Variants in TFAM observed in about 807,000 individuals in gnomAD.
TFAM encodes mitochondrial transcription factor 1.
In TFAM, 13 loss-of-function variants were observed where a neutral mutation model predicts 30.6. That is an observed-to-expected ratio of 0.42 (90% CI 0.28 to 0.67). The LOEUF (loss-of-function observed/expected upper bound fraction) is 0.67, where lower values mean the gene tolerates loss of function less well. Among genes scored for constraint, TFAM ranks in the 30% least tolerant of loss-of-function variants. The pLI is 0.21. For missense variants in TFAM, 231 were observed against 293.7 expected, an observed-to-expected ratio of 0.79 and a Z score of 1.56; for synonymous variants, 106 against 94.8, an observed-to-expected ratio of 1.12 and a Z score of -0.69.
chr10:58,397,365 T>C lies in TFAM; in HGVS notation c.*2291T>C, dbSNP rs748692228. On this transcript the variant is annotated 3_prime_UTR_variant, in exon 7 of 7. Transcript: ENST00000487519. Reference sequence around the variant, plus strand: ...TATACTTAACATTCATATCATACCTTCCCAAATATATTGGGAAGTTCAGTG... The same window carrying C: ...TATACTTAACATTCATATCATACCTCCCCAAATATATTGGGAAGTTCAGTG... 1.4e-4 allele frequency: 21 copies of C among 152,108 alleles called. No homozygotes were observed. Among genetic ancestry groups the C allele is most frequent in the Admixed American group, 6.6e-4 (10 of 15,260 alleles). 9.4% of individuals were successfully genotyped at this position (152,108 alleles called of 1,614,324 possible). A position where few individuals can be genotyped will look rare whatever the true frequency, so the allele number is the denominator to read the frequency against.
intron 2 of TFAM, among the ~76,000 whole-genome samples, chr10:58,386,887 C>T (rs1418627294): frequency 6.6e-6 from 1 of 151,994 alleles, no homozygotes; most frequent in East Asian, 1.9e-4. Flanking sequence ...TAAATCCTTT[C>T]TTGTCTTGGG....
At chr10:58,390,923 CCATGTGT>C in intron 5 of TFAM, 63 bp downstream of exon 5, 4 of 1,409,074 alleles carry the variant, frequency 2.8e-6, no homozygotes, top group Non-Finnish European at 3.9e-6. Context: ...GTCTAGAGTG[CCATGTGT>C]CAGGTAGTGA....
chr10:58,386,634 A>T (rs1006706532), intron 2 of TFAM: 4 of 1,183,788 alleles, frequency 3.4e-6, no homozygotes, highest in Non-Finnish European at 4.2e-6. Context: ...CTGATGAATT[A>T]TTTTCTCTTG....
chr10:58,385,951 C>A (rs1309990034), intron 1 of TFAM, among the ~76,000 whole-genome samples: 1 of 152,230 alleles, frequency 6.6e-6, no homozygotes, highest in East Asian at 1.9e-4. Flanking sequence ...ATCATCTAGG[C>A]ATTGAGGAGG....
intron 5 of TFAM, among the ~76,000 whole-genome samples, chr10:58,391,413 A>G (rs766088983): frequency 1.2e-4 from 18 of 152,126 alleles, no homozygotes; most frequent in Non-Finnish European, 1.9e-4. Context: ...TTCCTGTATC[A>G]TATGACATAG....
chr10:58,385,512 G>C lies in TFAM; in HGVS notation c.-36G>C. On this transcript the variant is annotated 5_prime_UTR_variant, in exon 1 of 7. Coordinates refer to ENST00000487519, the MANE Select transcript of TFAM (RefSeq NM_003201.3). ...TGTGTATTGCCAGGAGGCTCTCCGA[G>C]ATTGGGGTCGGGTCACTGCCTCATC... The C allele has an allele frequency of 6.6e-7, 1 of 1,507,948 alleles. No individual in the cohort carries two copies. The highest frequency in any genetic ancestry group is 2.4e-5 in the East Asian group (1 of 40,836). 93.4% of individuals were successfully genotyped at this position (1,507,948 alleles called of 1,614,324 possible). A position where few individuals can be genotyped will look rare whatever the true frequency, so the allele number is the denominator to read the frequency against.
At chr10:58,388,862 A>C (rs1840540832) in intron 4 of TFAM, 43 bp downstream of exon 4, 1 of 1,517,410 alleles carries the variant, frequency 6.6e-7, no homozygotes, top group Non-Finnish European at 9.1e-7. Flanking sequence ...TAAAGAATTG[A>C]GATTTATATA....
chr10:58,394,784 C>T, intron 6 of TFAM, 144 bp from the exon 7 acceptor site: 1 of 756,410 alleles, frequency 1.3e-6, no homozygotes. Context: ...AATATTTCTT[C>T]TCCAGTCTGC....
At position 58,386,111 on chromosome 10, in the gene TFAM, A is replaced by G. The variant is rs564857413; in HGVS notation, c.102-109A>G. ...CTAGCATTCTTGTTGAAGGCGTTGGATACATAGTATCTTGATGACATTTCT... is the reference window on the plus strand; with the variant it reads ...CTAGCATTCTTGTTGAAGGCGTTGGGTACATAGTATCTTGATGACATTTCT... On this transcript the variant is annotated intron_variant, in intron 1 of 6. Transcript: ENST00000487519. 89 of 834,072 alleles carry G rather than the reference A, an allele frequency of 1.1e-4. No individual in the cohort carries two copies. In the African/African-American group the frequency reaches 1.3e-3, roughly 12 times the overall value. 51.7% of individuals were successfully genotyped at this position (834,072 alleles called of 1,614,324 possible).
In TFAM at chr10:58,397,903, A is replaced by G. The variant is rs1465985771; in HGVS notation, c.*2829A>G. On this transcript the variant is annotated 3_prime_UTR_variant, in exon 7 of 7. Coordinates refer to ENST00000487519, the MANE Select transcript of TFAM (RefSeq NM_003201.3). ...GTCGTTGGGACTACAGTAGGTGAAC[A>G]CCACCATGCCTGGCTAATTTTTGTA... 1.3e-5 allele frequency: 2 copies of G among 151,530 alleles called. No homozygotes were observed. The highest frequency in any genetic ancestry group is 2.9e-5 in the Non-Finnish European group (2 of 67,992). The allele number at this position is 151,530 out of a possible 1,614,324, so 9.4% of individuals were successfully genotyped here.
rs755120398 is a variant in TFAM at position 58,395,069 on chromosome 10, T to A, written c.736T>A (p.Cys246Ser). 1.2e-6 allele frequency: 2 copies of A among 1,612,966 alleles called. No homozygotes were observed. Among genetic ancestry groups the A allele is most frequent in the Admixed American group, 3.3e-5 (2 of 59,966 alleles). Residue 246 changes from cysteine (C) to serine (S), a missense_variant, in exon 7 of 7, where the codon TGT becomes AGT. Cys to Ser is a moderately radical substitution (Grantham distance 112, BLOSUM62 -1). Coordinates refer to ENST00000487519, the MANE Select transcript of TFAM (RefSeq NM_003201.3). ...KKQRKYGAEE[C>S] is the part of the protein sequence containing the mutation. ...ACAACGAAAATATGGTGCTGAGGAG[T>A]GTTAAAAGTAGAAGATTGAGATGTG...
At chr10:58,386,077 A>T in intron 1 of TFAM, 143 bp from the exon 2 acceptor site, 1 of 751,910 alleles carries the variant, frequency 1.3e-6, no homozygotes, top group South Asian at 1.4e-5. Flanking sequence ...ACAGGGTTTT[A>T]ATAAGTCTCT....
In TFAM at chr10:58,395,514, T is replaced by A. The variant is rs963233556; in HGVS notation, c.*440T>A. On this transcript the variant is annotated 3_prime_UTR_variant, in exon 7 of 7. Coordinates refer to ENST00000487519, the MANE Select transcript of TFAM (RefSeq NM_003201.3). Reference sequence around the variant, plus strand: ...TTTTTCATAAAGCAGGCAGAACTCATCTAGGTAAATTACAGTTCCTAGGTA... The same window carrying A: ...TTTTTCATAAAGCAGGCAGAACTCAACTAGGTAAATTACAGTTCCTAGGTA... 3.6e-5 allele frequency: 9 copies of A among 251,056 alleles called. No individual in the cohort carries two copies. The highest frequency in any genetic ancestry group is 5.3e-5 in the Non-Finnish European group (7 of 132,534). 15.6% of individuals were successfully genotyped at this position (251,056 alleles called of 1,614,324 possible). A position where few individuals can be genotyped will look rare whatever the true frequency, so the allele number is the denominator to read the frequency against.
rs1280734797 is a variant in TFAM, at chr10:58,388,261, G to T, written c.291+1G>T. The T allele has an allele frequency of 6.2e-7, 1 of 1,613,418 alleles. No homozygotes were observed. On this transcript the variant is annotated splice_donor_variant, in intron 3 of 6. Coordinates refer to ENST00000487519, the MANE Select transcript of TFAM (RefSeq NM_003201.3). LOFTEE classifies it high-confidence loss of function. ...GGAACTTCCTGATTCAAAGAAAAAA[G>T]TAAGCACATAAGTTTTCAACATTGC...
rs1840684328 is a variant in TFAM at position 58,396,491 on chromosome 10, A to G, written c.*1417A>G. On this transcript the variant is annotated 3_prime_UTR_variant, in exon 7 of 7. Coordinates refer to ENST00000487519, the MANE Select transcript of TFAM (RefSeq NM_003201.3). ...AATGAAAAAGATCCATATACTGTGG[A>G]ATGATATTCTTTTAAAATTATTTGC... The G allele has an allele frequency of 6.6e-6, 1 of 152,220 alleles. No homozygotes were observed. Among genetic ancestry groups the G allele is most frequent in the African/African-American group, 2.4e-5 (1 of 41,458 alleles). 9.4% of individuals were successfully genotyped at this position (152,220 alleles called of 1,614,324 possible). A position where few individuals can be genotyped will look rare whatever the true frequency, so the allele number is the denominator to read the frequency against.
rs778007654 is a variant in TFAM, at chr10:58,395,085, T to C, written c.*11T>C. ...GCTGAGGAGTGTTAAAAGTAGAAGATTGAGATGTGTTCACAATGGATAGGC... is the reference window on the plus strand; with the variant it reads ...GCTGAGGAGTGTTAAAAGTAGAAGACTGAGATGTGTTCACAATGGATAGGC... On this transcript the variant is annotated 3_prime_UTR_variant, in exon 7 of 7. Transcript: ENST00000487519. The C allele has an allele frequency of 1.2e-5, 19 of 1,612,722 alleles. No individual in the cohort carries two copies. The highest frequency in any genetic ancestry group is 1.1e-5 in the South Asian group (1 of 90,970).
chr10:58,385,911 C>G (rs898116670), intron 1 of TFAM, among the ~76,000 whole-genome samples: 2 of 152,308 alleles, frequency 1.3e-5, no homozygotes, highest in South Asian at 2.1e-4. Context: ...CTTTCCGCCT[C>G]CTCTGCGAAT....
At position 58,394,423 on chromosome 10, in the gene TFAM, T is replaced by C; in HGVS notation, c.594+9T>C. 1 of 1,611,876 alleles carries C rather than the reference T, an allele frequency of 6.2e-7. No individual in the cohort carries two copies. The highest frequency in any genetic ancestry group is 8.5e-7 in the Non-Finnish European group (1 of 1,178,008). On this transcript the variant is annotated intron_variant, in intron 6 of 6. Transcript: ENST00000487519. ...CTGACTCTGAAAAGGAAGTGAGTATTACGGTTGTTAGTCTCAAGTGTCTAC... is the reference window on the plus strand; with the variant it reads ...CTGACTCTGAAAAGGAAGTGAGTATCACGGTTGTTAGTCTCAAGTGTCTAC...
intron 2 of TFAM, 27 bp from the exon 3 acceptor site, chr10:58,388,163 C>CT (rs1564567486): frequency 6.3e-7 from 1 of 1,596,132 alleles, no homozygotes; most frequent in Non-Finnish European, 8.6e-7. Flanking sequence ...ATTGTGGCAT[C>CT]TTTTTTCTTT....
Sources: gnomAD v4.1 joint callset for allele counts (sites outside exome capture counted in the v4.1 genomes callset) on GRCh38, gnomAD v4.1.1 for gene constraint, MANE v1.5 for transcripts, NCBI Gene and HGNC (gene_info 2026-07-23, HGNC 2026-07-21) for gene names.